Variants in COL13A1 observed in about 807,000 individuals in gnomAD.
COL13A1 encodes the protein collagen alpha-1(XIII) chain.
In COL13A1, 89 loss-of-function variants were observed where a neutral mutation model predicts 130.9. The ratio of observed to expected loss-of-function variants is 0.68; its 90% CI spans 0.57 to 0.81. COL13A1 has a LOEUF of 0.81. COL13A1 is among the 30% of genes least tolerant of loss of function. The pLI is 0.00. For synonymous variants in COL13A1, 402 were observed against 341.6 expected, an observed-to-expected ratio of 1.18 and a Z score of -1.95; for missense variants, 879 against 934.6, an observed-to-expected ratio of 0.94 and a Z score of 0.78.
intron 2 of COL13A1, among the ~76,000 whole-genome samples, chr10:69,837,943 G>A (rs886753861): frequency 1.3e-5 from 2 of 152,186 alleles, no homozygotes; most frequent in Non-Finnish European, 2.9e-5. Context: ...GTGATGTGAC[G>A]AGCCACTTTC....
Position 69,952,879 on chromosome 10 carries a change from CA to C in COL13A1, c.2059-2del. 1 of 1,548,824 alleles carries C rather than the reference CA, an allele frequency of 6.5e-7. No homozygotes were observed. The highest frequency in any genetic ancestry group is 8.6e-7 in the Non-Finnish European group (1 of 1,156,378). On this transcript the variant is annotated splice_acceptor_variant, in intron 38 of 40. Coordinates refer to ENST00000645393, the MANE Select transcript of COL13A1 (RefSeq NM_001368882.1). LOFTEE classifies it high-confidence loss of function. ...TTTTCTCGGACTAAACCATTATTTA[CA>C]GGGGGAGAGGGGGAAGAAAGGCTCT... is the stretch of plus-strand genomic sequence containing the variant.
chr10:69,851,072 C>T (rs1326228363), intron 2 of COL13A1, among the ~76,000 whole-genome samples: 1 of 152,252 alleles, frequency 6.6e-6, no homozygotes, highest in African/African-American at 2.4e-5. Flanking sequence ...GTCCTGAGAG[C>T]AGGGCTCCAT....
intron 26 of COL13A1, among the ~76,000 whole-genome samples, chr10:69,926,768 G>A (rs2065417838): frequency 6.6e-6 from 1 of 152,204 alleles, no homozygotes; most frequent in Non-Finnish European, 1.5e-5. Context: ...ATAAGAGGTG[G>A]TGCTTCCTTC....
At chr10:69,874,230 C>T (rs2059366634) in intron 4 of COL13A1, among the ~76,000 whole-genome samples, 1 of 152,224 alleles carries the variant, frequency 6.6e-6, no homozygotes, top group Non-Finnish European at 1.5e-5. Context: ...CATTGTTCCT[C>T]AAGGCATTGT....
chr10:69,887,352 A>T (rs2060692298), intron 7 of COL13A1, 104 bp from the exon 8 acceptor site: 1 of 1,219,418 alleles, frequency 8.2e-7, no homozygotes, highest in Non-Finnish European at 1.2e-6. Context: ...AAGGACGATC[A>T]CACAAAGTGA....
At chr10:69,843,246 C>T (rs1025993137) in intron 2 of COL13A1, among the ~76,000 whole-genome samples, 3 of 152,056 alleles carry the variant, frequency 2.0e-5, no homozygotes, top group Non-Finnish European at 4.4e-5. Context: ...TAAACTCTTC[C>T]CCCTCAACCC....
intron 36 of COL13A1, 118 bp downstream of exon 36, chr10:69,944,296 T>C: frequency 1.1e-6 from 1 of 874,742 alleles, no homozygotes; most frequent in South Asian, 1.4e-5. Context: ...CTGGTCATCC[T>C]CACAGCAGCC....
At chr10:69,878,961 C>T (rs2059878829) in intron 6 of COL13A1, among the ~76,000 whole-genome samples, 1 of 152,262 alleles carries the variant, frequency 6.6e-6, no homozygotes, top group Non-Finnish European at 1.5e-5. Flanking sequence ...GCAATAGTTT[C>T]CCATCTCCAA....
intron 2 of COL13A1, among the ~76,000 whole-genome samples, chr10:69,858,111 G>A (rs1156755821): frequency 7.8e-4 from 11 of 14,132 alleles, no homozygotes; most frequent in Non-Finnish European, 1.3e-3. Flanking sequence ...GCGAGACTCC[G>A]TCTCAAAAAA....
At chr10:69,931,117 A>G in intron 30 of COL13A1, 3 of 455,534 alleles carry the variant, frequency 6.6e-6, no homozygotes, top group South Asian at 4.7e-5. Flanking sequence ...ACTCAGCAAG[A>G]CCACCTTGAG....
chr10:69,923,014 G>T (rs2064884543), intron 23 of COL13A1, among the ~76,000 whole-genome samples: 1 of 152,174 alleles, frequency 6.6e-6, no homozygotes, highest in Non-Finnish European at 1.5e-5. Flanking sequence ...GTCTTCCCTG[G>T]GGCAGATGGA....
At chr10:69,898,897 C>T in intron 14 of COL13A1, 135 bp downstream of exon 14, 3 of 620,418 alleles carry the variant, frequency 4.8e-6, no homozygotes, top group Non-Finnish European at 5.5e-6. Context: ...CCCACGTATA[C>T]CATAGACATG....
chr10:69,813,601 G>A (rs1589178866), intron 1 of COL13A1, among the ~76,000 whole-genome samples: 1 of 152,252 alleles, frequency 6.6e-6, no homozygotes, highest in African/African-American at 2.4e-5. Context: ...TGTTGAGGTA[G>A]GGAGAAGACA....
chr10:69,943,513 C>A (rs969028198), intron 35 of COL13A1, among the ~76,000 whole-genome samples: 1 of 152,098 alleles, frequency 6.6e-6, no homozygotes, highest in Non-Finnish European at 1.5e-5. Context: ...GCTCATGACA[C>A]GCCTCCCTGC....
intron 3 of COL13A1, among the ~76,000 whole-genome samples, chr10:69,868,314 G>A (rs1380505926): frequency 7.3e-6 from 1 of 137,418 alleles, no homozygotes; most frequent in Non-Finnish European, 1.5e-5. Flanking sequence ...TGGTGGTGGC[G>A]GCGGCAATGG....
intron 6 of COL13A1, among the ~76,000 whole-genome samples, chr10:69,878,457 G>T (rs1009880953): frequency 1.3e-5 from 2 of 152,078 alleles, no homozygotes; most frequent in Admixed American, 6.5e-5. Flanking sequence ...GCCCTGGGGG[G>T]TTCTTGAGAG....
chr10:69,825,460 T>C (rs1847247204), intron 2 of COL13A1, among the ~76,000 whole-genome samples: 1 of 152,230 alleles, frequency 6.6e-6, no homozygotes, highest in Non-Finnish European at 1.5e-5. Flanking sequence ...GAATGTTCAA[T>C]AAATGAGTAT....
chr10:69,907,021 G>C (rs182968067), intron 17 of COL13A1, among the ~76,000 whole-genome samples: 65 of 152,236 alleles, frequency 4.3e-4, no homozygotes, highest in Non-Finnish European at 7.6e-4. Context: ...GAGCCACCGC[G>C]CCCAGTTATG....
intron 1 of COL13A1, among the ~76,000 whole-genome samples, chr10:69,803,287 ATT>A (rs1425177231): frequency 6.6e-6 from 1 of 152,240 alleles, no homozygotes; most frequent in South Asian, 2.1e-4. Flanking sequence ...TTGGCCACAA[ATT>A]AGTCCACACC....
Sources: gnomAD v4.1 joint callset for allele counts (sites outside exome capture counted in the v4.1 genomes callset) on GRCh38, gnomAD v4.1.1 for gene constraint, MANE v1.5 for transcripts, NCBI Gene and HGNC (gene_info 2026-07-23, HGNC 2026-07-21) for gene names.